PLCXD3: variants seen among roughly 807,000 people sequenced by gnomAD.
PLCXD3 encodes PI-PLC X domain-containing protein 3.
PLCXD3 carries 19 observed loss-of-function variants against 25.5 expected under a neutral mutation model. The ratio of observed to expected loss-of-function variants is 0.75; its 90% CI spans 0.52 to 1.09. The LOEUF (loss-of-function observed/expected upper bound fraction) is 1.09. Among genes scored for constraint, PLCXD3 ranks in the 50% least tolerant of loss-of-function variants. The pLI is 0.00. For synonymous variants in PLCXD3, 174 were observed against 137.6 expected (o/e 1.26, Z -1.85); for missense variants, 411 against 388.1 (o/e 1.06, Z -0.50).
In PLCXD3 at chr5:41,311,917, C is replaced by G. The variant is rs1743143294; in HGVS notation, c.*1700G>C. The G allele has an allele frequency of 6.6e-6, 1 of 152,470 alleles. No individual in the cohort carries two copies. 9.4% of individuals were successfully genotyped at this position (152,470 alleles called of 1,614,324 possible). A position where few individuals can be genotyped will look rare whatever the true frequency, so the allele number is the denominator to read the frequency against. On this transcript the variant is annotated 3_prime_UTR_variant, in exon 3 of 3. Transcript: ENST00000377801. ...AAGCTGAGGGCATGCTTTTATTTCT[C>G]TATGACCCTACTTTGCATGGACTGT...
intron 1 of PLCXD3, among the ~76,000 whole-genome samples, chr5:41,480,835 G>T (rs956147327): frequency 6.6e-6 from 1 of 151,930 alleles, no homozygotes. Flanking sequence ...GCTTGAACCC[G>T]GGAGGTGGAG....
At chr5:41,318,093 A>G (rs989386827) in intron 2 of PLCXD3, among the ~76,000 whole-genome samples, 2 of 152,160 alleles carry the variant, frequency 1.3e-5, no homozygotes, top group African/African-American at 4.8e-5. Flanking sequence ...GTCTGGCAAA[A>G]ATATCCTTCA....
At chr5:41,438,390 G>C (rs1282687528) in intron 1 of PLCXD3, among the ~76,000 whole-genome samples, 2 of 152,148 alleles carry the variant, frequency 1.3e-5, no homozygotes, top group African/African-American at 4.8e-5. Flanking sequence ...AAACCGGACT[G>C]CTGGCCCTGG....
chr5:41,403,407 T>TTTTGTTTTTGTTTTTTTTTAC (rs1554047959), intron 1 of PLCXD3, among the ~76,000 whole-genome samples: 2 of 34,474 alleles, frequency 5.8e-5, no homozygotes, highest in Non-Finnish European at 1.4e-4. Flanking sequence ...TGTTGTTTTT[T>TTTTGTTTTTGTTTTTTTTTAC]TTTTTTTTTA....
intron 1 of PLCXD3, among the ~76,000 whole-genome samples, chr5:41,424,518 C>A (rs1016054887): frequency 6.6e-6 from 1 of 151,808 alleles, no homozygotes; most frequent in Non-Finnish European, 1.5e-5. Flanking sequence ...CCAGCCTGGG[C>A]AACAAGAGCA....
intron 1 of PLCXD3, among the ~76,000 whole-genome samples, chr5:41,444,031 A>G (rs1747443844): frequency 6.6e-6 from 1 of 152,164 alleles, no homozygotes; most frequent in Non-Finnish European, 1.5e-5. Context: ...ATCTGTGGAT[A>G]TACTTTCTTC....
At position 41,395,685 on chromosome 5, in the gene PLCXD3, C is replaced by G. The variant is rs1408063519; in HGVS notation, c.104-13151G>C. Among the ~76,000 whole-genome samples, 4 of 151,878 alleles carry G rather than the reference C, an allele frequency of 2.6e-5. No homozygotes were observed. In the East Asian group the frequency reaches 5.8e-4, roughly 22 times the overall value. On this transcript the variant is annotated intron_variant, in intron 1 of 2. Coordinates refer to ENST00000377801, the MANE Select transcript of PLCXD3 (RefSeq NM_001005473.3). ...AGCAGCTACTATGAGCAACTATATGCCAATAAATTGGAAAATATAGATGAA... is the reference window on the plus strand; with the variant it reads ...AGCAGCTACTATGAGCAACTATATGGCAATAAATTGGAAAATATAGATGAA...
intron 2 of PLCXD3, among the ~76,000 whole-genome samples, chr5:41,370,318 C>T (rs1438564069): frequency 7.1e-6 from 1 of 140,824 alleles, no homozygotes; most frequent in East Asian, 2.0e-4. Flanking sequence ...AATATTAGTG[C>T]CTGCAATTGA....
intron 2 of PLCXD3, among the ~76,000 whole-genome samples, chr5:41,319,742 GA>G (rs1743404802): frequency 6.6e-6 from 1 of 151,118 alleles, no homozygotes; most frequent in African/African-American, 2.4e-5. Flanking sequence ...ATTAGTAGAA[GA>G]AAAGAAATAA....
At chr5:41,387,978 A>C (rs374106277) in intron 1 of PLCXD3, among the ~76,000 whole-genome samples, 2 of 152,134 alleles carry the variant, frequency 1.3e-5, no homozygotes, top group East Asian at 3.9e-4. Context: ...ATAATTTTTA[A>C]AGAACTAGAC....
At chr5:41,493,554 A>G (rs1300314084) in intron 1 of PLCXD3, among the ~76,000 whole-genome samples, 8 of 152,258 alleles carry the variant, frequency 5.3e-5, no homozygotes, top group African/African-American at 1.7e-4. Context: ...CTGCAGAGGC[A>G]GGCAGGCCTC....
In PLCXD3 at chr5:41,440,249, T is replaced by TTTTTTTTTTTTTTTTTTTTTG. The variant is rs751131624; in HGVS notation, c.104-57716_104-57715insCAAAAAAAAAAAAAAAAAAAA. On this transcript the variant is annotated intron_variant, in intron 1 of 2. Coordinates refer to ENST00000377801, the MANE Select transcript of PLCXD3 (RefSeq NM_001005473.3). Reference sequence around the variant, plus strand: ...TTTTTTTTTTTTTTTTTTTTTTTTTTTTAGTCAGAGTCTCACTGTGTCACC... The same window carrying TTTTTTTTTTTTTTTTTTTTTG: ...TTTTTTTTTTTTTTTTTTTTTTTTTTTTTTTTTTTTTTTTTTTTTTGTTAGTCAGAGTCTCACTGTGTCACC... Among the ~76,000 whole-genome samples, 141 of 100,374 alleles carry TTTTTTTTTTTTTTTTTTTTTG rather than the reference T, an allele frequency of 1.4e-3. 23 individuals carry two copies. Among genetic ancestry groups the TTTTTTTTTTTTTTTTTTTTTG allele is most frequent in the Non-Finnish European group, 2.0e-3 (97 of 49,606 alleles). The allele number at this position is 100,374 out of a possible 152,430, so 65.8% of individuals were successfully genotyped here. A position where few individuals can be genotyped will look rare whatever the true frequency, so the allele number is the denominator to read the frequency against.
At chr5:41,392,813 A>C (rs996634260) in intron 1 of PLCXD3, among the ~76,000 whole-genome samples, 1 of 152,222 alleles carries the variant, frequency 6.6e-6, no homozygotes, top group African/African-American at 2.4e-5. Flanking sequence ...TAAATTTGAG[A>C]TAACACAGAG....
chr5:41,362,267 A>G (rs1017281079), intron 2 of PLCXD3, among the ~76,000 whole-genome samples: 6 of 152,216 alleles, frequency 3.9e-5, no homozygotes, highest in African/African-American at 1.4e-4. Flanking sequence ...ATATAATTTC[A>G]GATCTTCATC....
chr5:41,463,767 T>G (rs1277139576), intron 1 of PLCXD3, among the ~76,000 whole-genome samples: 1 of 151,962 alleles, frequency 6.6e-6, no homozygotes, highest in African/African-American at 2.4e-5. Context: ...ACTATTTTTT[T>G]TAAGCTTCTT....
chr5:41,316,453 ACTT>A (rs148452107), intron 2 of PLCXD3, among the ~76,000 whole-genome samples: 3,756 of 152,114 alleles, frequency 0.025, 158 homozygotes, highest in African/African-American at 0.086. Context: ...GTGGGACAAA[ACTT>A]CTTCTTGTTG....
chr5:41,400,291 A>C (rs1411637037), intron 1 of PLCXD3, among the ~76,000 whole-genome samples: 2 of 152,072 alleles, frequency 1.3e-5, no homozygotes, highest in Admixed American at 6.6e-5. Flanking sequence ...GTTCCTCAAA[A>C]ACCTAGAAAT....
intron 2 of PLCXD3, among the ~76,000 whole-genome samples, chr5:41,381,335 C>T (rs1745454760): frequency 6.6e-6 from 1 of 152,116 alleles, no homozygotes; most frequent in Non-Finnish European, 1.5e-5. Context: ...CGTTAAAGTC[C>T]TAACCCCTGC....
chr5:41,419,873 G>A (rs1746778140), intron 1 of PLCXD3, among the ~76,000 whole-genome samples: 1 of 152,100 alleles, frequency 6.6e-6, no homozygotes, highest in South Asian at 2.1e-4. Context: ...GTGCTTAAGT[G>A]CCAAATAATT....
Sources: allele counts gnomAD v4.1 joint callset (sites outside exome capture counted in the v4.1 genomes callset), GRCh38; gene constraint gnomAD v4.1.1; transcripts MANE v1.5; gene names NCBI Gene and HGNC (gene_info 2026-07-23, HGNC 2026-07-21).